MBP: variants seen among roughly 807,000 people sequenced by gnomAD.
MBP encodes the protein Golli-MBP.
Under a neutral mutation model 35.8 loss-of-function variants are expected in MBP, and 16 were observed. That is an observed-to-expected ratio of 0.45 (90% CI 0.30 to 0.68). MBP has a LOEUF of 0.68. Among genes scored for constraint, MBP ranks in the 30% least tolerant of loss-of-function variants. The pLI is 0.08. For synonymous variants in MBP, 143 were observed against 159.6 expected (o/e 0.90, Z 0.78); for missense variants, 380 against 404.7 (o/e 0.94, Z 0.52).
chr18:77,036,914 CATTTT>C (rs1972795576), intron 3 of MBP, among the ~76,000 whole-genome samples: 1 of 71,860 alleles, frequency 1.4e-5, no homozygotes, highest in Non-Finnish European at 2.5e-5. Flanking sequence ...GTGCTGGTCA[CATTTT>C]GGAGACTGAG....
intron 3 of MBP, among the ~76,000 whole-genome samples, chr18:77,039,596 C>T (rs1464298060): frequency 2.0e-5 from 3 of 152,204 alleles, no homozygotes; most frequent in African/African-American, 7.2e-5. Flanking sequence ...TAGAACACAG[C>T]AGGCATGCAG....
At chr18:76,991,528 A>G (rs1214704820) in intron 4 of MBP, among the ~76,000 whole-genome samples, 6 of 152,190 alleles carry the variant, frequency 3.9e-5, no homozygotes, top group African/African-American at 1.4e-4. Context: ...GTGAATGCGC[A>G]CCAGGCAAGA....
intron 2 of MBP, chr18:77,097,306 C>T (rs1488924593): frequency 6.6e-6 from 1 of 152,292 alleles, no homozygotes; most frequent in Non-Finnish European, 1.5e-5. Flanking sequence ...GGCAGCTCTT[C>T]CTGTTGTGGA....
chr18:76,986,096 C>T (rs931357045), intron 7 of MBP: 170 of 985,408 alleles, frequency 1.7e-4, no homozygotes, highest in Non-Finnish European at 1.9e-4. Context: ...CAATGGGGGG[C>T]GAAGTGTCCT....
intron 4 of MBP, among the ~76,000 whole-genome samples, chr18:76,992,425 TCGGTTTCTAACAGG>T (rs1190144877): frequency 6.6e-6 from 1 of 152,116 alleles, no homozygotes; most frequent in Non-Finnish European, 1.5e-5. Context: ...GCTGTGCACC[TCGGTTTCTAACAGG>T]CCACAGAGCG....
Position 76,984,817 on chromosome 18 carries a change from C to G in MBP, c.828G>C (p.Lys276Asn). 6.2e-7 allele frequency: 1 copy of G among 1,614,120 alleles called. No individual in the cohort carries two copies. The highest frequency in any genetic ancestry group is 8.5e-7 in the Non-Finnish European group (1 of 1,180,028). The change falls in exon 8 of 9, where the codon AAG becomes AAC. Residue 276 changes from lysine (K) to asparagine (N), a missense_variant. Coordinates refer to ENST00000355994, the MANE Select transcript of MBP (RefSeq NM_001025101.2). ...SDYKSAHKGF[K>N]GVDAQGTLSK... ...AAAGCGTGCCCTGGGCATCGACTCC[C>G]TTGAATCCCTTGTGAGCCGATTTAT...
chr18:77,049,270 C>A (rs369447988), intron 3 of MBP, among the ~76,000 whole-genome samples: 1 of 152,088 alleles, frequency 6.6e-6, no homozygotes, highest in Non-Finnish European at 1.5e-5. Context: ...CTGCCTGACG[C>A]GGTTTCTGGG....
At chr18:77,062,877 G>A (rs1339207106) in intron 3 of MBP, among the ~76,000 whole-genome samples, 1 of 152,222 alleles carries the variant, frequency 6.6e-6, no homozygotes, top group African/African-American at 2.4e-5. Context: ...TCTTAGGTAT[G>A]CGTGTCCTGC....
At chr18:77,023,921 C>T (rs1299815239) in intron 3 of MBP, among the ~76,000 whole-genome samples, 1 of 152,230 alleles carries the variant, frequency 6.6e-6, no homozygotes, top group African/African-American at 2.4e-5. Flanking sequence ...TCTGTTTATT[C>T]TCTAACATAT....
At chr18:77,119,392 C>T (rs889124404) in intron 1 of MBP, among the ~76,000 whole-genome samples, 1 of 152,172 alleles carries the variant, frequency 6.6e-6, no homozygotes, top group Non-Finnish European at 1.5e-5. Flanking sequence ...GGACCTAGCA[C>T]AGTCCACAGC....
Position 76,988,353 on chromosome 18 carries a change from G to C in MBP, c.750+142C>G, listed in dbSNP as rs762176659. The C allele has an allele frequency of 6.2e-7, 1 of 1,608,992 alleles. No individual in the cohort carries two copies. The highest frequency in any genetic ancestry group is 8.5e-7 in the Non-Finnish European group (1 of 1,177,474). ...TCCCCAGTGGAAGACAAGGCGGCCC[G>C]ATCCCAGCTGTGGGCAGAGAGGTCT... On this transcript the variant is annotated intron_variant, in intron 7 of 8. Coordinates refer to ENST00000355994, the MANE Select transcript of MBP (RefSeq NM_001025101.2). This position sits in a 1 kb window ranked among gnomAD's most constrained non-coding sequence, Gnocchi z 5.2.
chr18:77,080,929 C>A (rs145131409), intron 2 of MBP, among the ~76,000 whole-genome samples: 1 of 152,160 alleles, frequency 6.6e-6, no homozygotes, highest in East Asian at 1.9e-4. Flanking sequence ...GTGATTCACC[C>A]GCCTCAACCT....
At chr18:77,030,467 T>C (rs1972501840) in intron 3 of MBP, among the ~76,000 whole-genome samples, 2 of 152,224 alleles carry the variant, frequency 1.3e-5, no homozygotes, top group African/African-American at 2.4e-5. Context: ...CAGAATTCAT[T>C]GGAGCAGGAC....
At chr18:76,998,313 G>A (rs1306347932) in intron 4 of MBP, among the ~76,000 whole-genome samples, 1 of 134,434 alleles carries the variant, frequency 7.4e-6, no homozygotes, top group African/African-American at 2.9e-5. Flanking sequence ...CAGGCGCCCC[G>A]TGCTGCGGCC....
At chr18:77,042,401 CAG>C (rs765269770) in intron 3 of MBP, among the ~76,000 whole-genome samples, 21 of 152,244 alleles carry the variant, frequency 1.4e-4, no homozygotes, top group Non-Finnish European at 2.1e-4. Flanking sequence ...TTAGCTGAAA[CAG>C]AGTGTCAGGC....
intron 2 of MBP, among the ~76,000 whole-genome samples, chr18:77,080,977 C>G (rs1011651464): frequency 1.3e-5 from 2 of 152,242 alleles, no homozygotes; most frequent in Non-Finnish European, 2.9e-5. Context: ...GTCACTGCCC[C>G]CAGCCAAGAC....
intron 3 of MBP, among the ~76,000 whole-genome samples, chr18:77,059,753 CA>C (rs1322808978): frequency 4.6e-5 from 7 of 152,078 alleles, no homozygotes; most frequent in African/African-American, 1.7e-4. Context: ...AAATAGGGGC[CA>C]GCACAGATAA....
At chr18:77,008,721 G>A (rs959589781) in intron 4 of MBP, among the ~76,000 whole-genome samples, 3 of 152,248 alleles carry the variant, frequency 2.0e-5, no homozygotes, top group South Asian at 2.1e-4. Context: ...CCATCCCGGG[G>A]CCAGCAGGCA....
chr18:77,061,951 C>T (rs537482883), intron 3 of MBP, among the ~76,000 whole-genome samples: 1 of 152,332 alleles, frequency 6.6e-6, no homozygotes, highest in Admixed American at 6.5e-5. Flanking sequence ...GCTGTGCACA[C>T]AGGACTTGGC....
Sources: gnomAD v4.1 joint callset for allele counts (sites outside exome capture counted in the v4.1 genomes callset) on GRCh38, gnomAD v4.1.1 for gene constraint, Gnocchi (gnomAD v3.1) non-coding constraint, MANE v1.5 for transcripts, NCBI Gene and HGNC (gene_info 2026-07-23, HGNC 2026-07-21) for gene names.